The following BICRAL variants were observed in gnomAD, a reference collection of about 807,000 sequenced individuals.
BICRAL encodes the protein BICRA like chromatin remodeling complex associated protein.
Under a neutral mutation model 91.8 loss-of-function variants are expected in BICRAL, and 8 were observed. The ratio of observed to expected loss-of-function variants is 0.09; its 90% CI spans 0.05 to 0.16. The LOEUF is 0.16. Ranked by LOEUF, BICRAL falls within the 10% of genes least tolerant of loss-of-function variation. The pLI, the probability that BICRAL is intolerant of heterozygous loss-of-function variation, is 1.00. For missense variants in BICRAL, 1,038 were observed against 1,310.9 expected (o/e 0.79, Z 3.21); for synonymous variants, 445 against 491.1 (o/e 0.91, Z 1.24).
chr6:42,807,308 C>G (rs1189650323), intron 1 of BICRAL, among the ~76,000 whole-genome samples: 1 of 151,840 alleles, frequency 6.6e-6, no homozygotes, highest in Non-Finnish European at 1.5e-5. Context: ...CTCAGCCTCC[C>G]GAGTAGCTGC....
At chr6:42,847,506 G>A (rs1036610515) in intron 6 of BICRAL, among the ~76,000 whole-genome samples, 26 of 151,934 alleles carry the variant, frequency 1.7e-4, no homozygotes. Context: ...GGCCAGGCAC[G>A]GTGGCTCACG....
intron 1 of BICRAL, among the ~76,000 whole-genome samples, chr6:42,774,328 T>A (rs544192451): frequency 6.6e-6 from 1 of 152,194 alleles, no homozygotes; most frequent in South Asian, 2.1e-4. Context: ...CAGGGGTTGG[T>A]CTAGGGGAAA....
At chr6:42,801,907 G>C (rs1045177366) in intron 1 of BICRAL, among the ~76,000 whole-genome samples, 1 of 151,514 alleles carries the variant, frequency 6.6e-6, no homozygotes, top group African/African-American at 2.4e-5. Context: ...AAAATAAAAT[G>C]TTCCCTAAAA....
intron 5 of BICRAL, 64 bp from the exon 6 acceptor site, chr6:42,828,429 T>TTAATTTTTA: frequency 7.1e-7 from 1 of 1,398,978 alleles, no homozygotes; most frequent in South Asian, 1.4e-5. Context: ...AAAAGTAAGA[T>TTAATTTTTA]TAATTTTTAT....
chr6:42,826,795 T>G (rs977398968), intron 5 of BICRAL, among the ~76,000 whole-genome samples: 29 of 151,196 alleles, frequency 1.9e-4, no homozygotes, highest in African/African-American at 6.8e-4. Context: ...GTTTGTTTGT[T>G]TTTTTTTTGA....
intron 1 of BICRAL, among the ~76,000 whole-genome samples, chr6:42,795,817 A>G (rs537299374): frequency 3.3e-5 from 5 of 152,334 alleles, no homozygotes; most frequent in Admixed American, 3.3e-4. Context: ...AATTATTACC[A>G]TAACTATCTA....
At chr6:42,833,397 T>G (rs1764553075) in intron 6 of BICRAL, among the ~76,000 whole-genome samples, 1 of 152,058 alleles carries the variant, frequency 6.6e-6, no homozygotes, top group South Asian at 2.1e-4. Context: ...GCCTCCTGAG[T>G]AGCTGGAACT....
intron 1 of BICRAL, among the ~76,000 whole-genome samples, chr6:42,773,666 C>T (rs1266477766): frequency 6.6e-6 from 1 of 152,138 alleles, no homozygotes; most frequent in Non-Finnish European, 1.5e-5. Flanking sequence ...AGGCGCCCAC[C>T]GCCACGCCCA....
intron 1 of BICRAL, among the ~76,000 whole-genome samples, chr6:42,760,095 A>G (rs560320975): frequency 6.6e-6 from 1 of 151,998 alleles, no homozygotes; most frequent in African/African-American, 2.4e-5. Flanking sequence ...AAATGCAAAA[A>G]TTAGCCAGGC....
rs776925185 is a variant in BICRAL, at chr6:42,857,172, A to G, written c.2190A>G (p.Val730=). The change falls in exon 10 of 13, where the codon GTA becomes GTG. Residue 730 remains valine, a synonymous_variant. Transcript: ENST00000314073. ...KSHFRSLSDA[V]QRLLSYHVCQ... ...ACTTCCGATCACTAAGTGATGCGGT[A>G]CAGAGACTGCTCTCCTACCACGTGT... 2 of 1,613,500 alleles carry G rather than the reference A, an allele frequency of 1.2e-6. No individual in the cohort carries two copies. The highest frequency in any genetic ancestry group is 1.7e-6 in the Non-Finnish European group (2 of 1,179,460).
intron 2 of BICRAL, among the ~76,000 whole-genome samples, chr6:42,817,154 GTGTGTGTGTGTGTGTGTGTATATA>G (rs1383036498): frequency 6.7e-6 from 1 of 149,630 alleles, no homozygotes; most frequent in Admixed American, 6.6e-5. Flanking sequence ...TTATATGTGT[GTGTGTGTGTGTGTGTGTGTATATA>G]TGTGTGTGTG....
chr6:42,851,943 T>A, intron 6 of BICRAL, 149 bp from the exon 7 acceptor site: 1 of 591,822 alleles, frequency 1.7e-6, no homozygotes. Context: ...CCTGAAGTGA[T>A]AAGAAAATAC....
chr6:42,749,542 G>T (rs752220063), intron 1 of BICRAL, among the ~76,000 whole-genome samples: 8 of 152,134 alleles, frequency 5.3e-5, no homozygotes, highest in Non-Finnish European at 1.2e-4. Context: ...GATTTGAAAT[G>T]TTCCCAACAC....
chr6:42,845,575 C>T (rs1453146612), intron 6 of BICRAL, among the ~76,000 whole-genome samples: 1 of 152,042 alleles, frequency 6.6e-6, no homozygotes, highest in Non-Finnish European at 1.5e-5. Context: ...TTCTCTGCTG[C>T]TCTCTGGGCC....
intron 1 of BICRAL, among the ~76,000 whole-genome samples, chr6:42,789,656 A>T (rs1312615668): frequency 6.7e-6 from 1 of 149,034 alleles, no homozygotes; most frequent in Non-Finnish European, 1.5e-5. Flanking sequence ...AAAAAAAAAA[A>T]GAATGAACAC....
At chr6:42,845,342 T>TCTCAGC (rs1384802533) in intron 6 of BICRAL, among the ~76,000 whole-genome samples, 1 of 150,144 alleles carries the variant, frequency 6.7e-6, no homozygotes, top group Non-Finnish European at 1.5e-5. Flanking sequence ...GATTCTCCTG[T>TCTCAGC]CTCAGCCTCC....
intron 1 of BICRAL, among the ~76,000 whole-genome samples, chr6:42,757,808 A>G (rs1762484845): frequency 6.6e-6 from 1 of 152,236 alleles, no homozygotes; most frequent in African/African-American, 2.4e-5. Flanking sequence ...TTAACAGATG[A>G]AGAACTGAAG....
At chr6:42,776,573 C>T (rs564680834) in intron 1 of BICRAL, among the ~76,000 whole-genome samples, 233 of 152,082 alleles carry the variant, frequency 1.5e-3, no homozygotes, top group South Asian at 0.013. Flanking sequence ...GTCTCAAACT[C>T]CTGGGCTCAA....
At chr6:42,821,940 A>C in intron 2 of BICRAL, 78 bp from the exon 3 acceptor site, 1 of 809,256 alleles carries the variant, frequency 1.2e-6, no homozygotes, top group East Asian at 2.5e-5. Flanking sequence ...AGTGTAAGGC[A>C]TACTTTTGTA....
Sources: allele counts gnomAD v4.1 joint callset (sites outside exome capture counted in the v4.1 genomes callset), GRCh38; gene constraint gnomAD v4.1.1; transcripts MANE v1.5; gene names NCBI Gene and HGNC (gene_info 2026-07-23, HGNC 2026-07-21).